ANK2: variants seen among roughly 807,000 people sequenced by gnomAD.
The protein encoded by ANK2 is ankyrin 2, also known as ankyrin-2.
Under a neutral mutation model 360.5 loss-of-function variants are expected in ANK2, and 83 were observed. The observed-to-expected ratio is 0.23, with a 90% CI of 0.19 to 0.28. The LOEUF (loss-of-function observed/expected upper bound fraction) is 0.28, where lower values mean the gene tolerates loss of function less well. Ranked by LOEUF, ANK2 falls within the 10% of genes least tolerant of loss-of-function variation. The pLI is 1.00. For synonymous variants in ANK2, 1,740 were observed against 1,759.5 expected (o/e 0.99, Z 0.28); for missense variants, 4,201 against 4,795.7 (o/e 0.88, Z 3.66).
At chr4:112,831,711 A>G (rs1365407470) in intron 1 of ANK2, among the ~76,000 whole-genome samples, 3 of 152,144 alleles carry the variant, frequency 2.0e-5, no homozygotes, top group African/African-American at 4.8e-5. Flanking sequence ...CGCTCTTCAC[A>G]ATAAATCTTG....
intron 2 of ANK2, among the ~76,000 whole-genome samples, chr4:112,961,699 A>C (rs2154260907): frequency 6.6e-6 from 1 of 152,258 alleles, no homozygotes; most frequent in East Asian, 1.9e-4. Context: ...GTCCACTTTT[A>C]GTTAGCAGTT....
intron 26 of ANK2, among the ~76,000 whole-genome samples, chr4:113,327,896 A>G (rs1157413531): frequency 6.6e-6 from 1 of 152,216 alleles, no homozygotes; most frequent in African/African-American, 2.4e-5. Context: ...AAGTGAGAAC[A>G]AAAAGAGAGT....
intron 1 of ANK2, among the ~76,000 whole-genome samples, chr4:113,149,508 A>C (rs1198667623): frequency 6.6e-6 from 1 of 152,166 alleles, no homozygotes; most frequent in Admixed American, 6.5e-5. Context: ...AGTGTAATGG[A>C]AATTACTCTG....
At chr4:113,080,822 G>T (rs868667224) in intron 1 of ANK2, among the ~76,000 whole-genome samples, 51 of 152,170 alleles carry the variant, frequency 3.4e-4, no homozygotes, top group African/African-American at 1.1e-3. Flanking sequence ...AAAATCAATC[G>T]GAGTTGTGAA....
intron 2 of ANK2, among the ~76,000 whole-genome samples, chr4:112,917,043 C>T (rs1360981718): frequency 1.3e-5 from 2 of 152,138 alleles, no homozygotes; most frequent in Non-Finnish European, 2.9e-5. Context: ...AATTAGGAAA[C>T]GCATATGCAA....
chr4:113,165,126 A>G (rs768848122), intron 1 of ANK2, among the ~76,000 whole-genome samples: 33 of 152,198 alleles, frequency 2.2e-4, no homozygotes, highest in Non-Finnish European at 4.3e-4. Context: ...ATTTTGGGGC[A>G]TGTTGACTTT....
In ANK2 at chr4:113,332,039, C is replaced by A. The variant is rs575678501; in HGVS notation, c.3193C>A (p.Gln1065Lys). The A allele has an allele frequency of 6.2e-7, 1 of 1,614,186 alleles. No individual in the cohort carries two copies. The highest frequency in any genetic ancestry group is 8.5e-7 in the Non-Finnish European group (1 of 1,180,024). ...AGAAAGTTTGGTCAGCCGCATTCTT[C>A]AGCTGGGGCCTCCTGGAACCAAATT... ...EGESLVSRIL[Q>K]LGPPGTKFLG... Residue 1065 changes from glutamine to lysine, a missense_variant, in exon 28 of 46, where the codon CAG (glutamine) becomes AAG (lysine). By Grantham distance (53) the Gln-to-Lys change is moderately conservative. This residue lies in a region of ANK2 where 1,268 missense variants were observed against 1,650.8 expected (regional missense o/e 0.77). Transcript: ENST00000357077.
At chr4:112,880,723 C>T (rs1580388520) in intron 1 of ANK2, 1 of 152,366 alleles carries the variant, frequency 6.6e-6, no homozygotes, top group South Asian at 2.1e-4. Flanking sequence ...TCTGTGTCCT[C>T]TGATCCTTTT....
chr4:112,856,079 A>G (rs1183917124), intron 1 of ANK2, among the ~76,000 whole-genome samples: 1 of 152,110 alleles, frequency 6.6e-6, no homozygotes, highest in African/African-American at 2.4e-5. Flanking sequence ...AGATTATTAA[A>G]TCTTAGGACT....
intron 2 of ANK2, among the ~76,000 whole-genome samples, chr4:112,916,392 TAATC>T (rs1192451563): frequency 6.6e-6 from 1 of 152,342 alleles, no homozygotes; most frequent in East Asian, 1.9e-4. Context: ...GTGGGGTTAT[TAATC>T]AAAATCACCT....
chr4:113,242,865 C>T (rs1210282117), intron 9 of ANK2, among the ~76,000 whole-genome samples: 1 of 152,082 alleles, frequency 6.6e-6, no homozygotes, highest in Non-Finnish European at 1.5e-5. Context: ...AGGCAAACTG[C>T]CTGATTTCAA....
chr4:113,245,088 C>G (rs770307640), intron 9 of ANK2, among the ~76,000 whole-genome samples: 36 of 152,184 alleles, frequency 2.4e-4, no homozygotes, highest in Non-Finnish European at 4.0e-4. Context: ...TAGCACTAAA[C>G]TTTCCCCCCA....
intron 1 of ANK2, among the ~76,000 whole-genome samples, chr4:112,872,830 C>T (rs183923791): frequency 6.6e-6 from 1 of 152,112 alleles, no homozygotes; most frequent in Admixed American, 6.5e-5. Context: ...CCAGTGAAGC[C>T]ATCTGGTCAT....
At chr4:112,948,013 G>A (rs2094661453) in intron 2 of ANK2, among the ~76,000 whole-genome samples, 1 of 152,148 alleles carries the variant, frequency 6.6e-6, no homozygotes, top group Non-Finnish European at 1.5e-5. Context: ...TTCCCTCCTT[G>A]ACCCCTGCCA....
chr4:113,040,868 C>T (rs562665463), intron 2 of ANK2, among the ~76,000 whole-genome samples: 1 of 152,136 alleles, frequency 6.6e-6, no homozygotes, highest in East Asian at 1.9e-4. Context: ...CCTCCTTTGT[C>T]AAATGAAATG....
chr4:112,979,589 C>T (rs374065195), intron 2 of ANK2: 2 of 152,388 alleles, frequency 1.3e-5, no homozygotes, highest in South Asian at 2.1e-4. Flanking sequence ...GTTCCAAATT[C>T]TTGTCCCATG....
chr4:113,343,311 G>A (rs772241855), intron 34 of ANK2, among the ~76,000 whole-genome samples, 169 bp downstream of exon 34: 13 of 151,990 alleles, frequency 8.6e-5, no homozygotes, highest in African/African-American at 1.2e-4. Flanking sequence ...TATTTTTGAG[G>A]TTCAAAGTCA....
chr4:113,381,048 A>G (rs1301152979), intron 45 of ANK2, among the ~76,000 whole-genome samples: 1 of 152,226 alleles, frequency 6.6e-6, no homozygotes, highest in Non-Finnish European at 1.5e-5. Flanking sequence ...ATAAATTAAA[A>G]AAAGGTTTTT....
chr4:112,975,169 T>C (rs190132896), intron 2 of ANK2, among the ~76,000 whole-genome samples: 1 of 152,308 alleles, frequency 6.6e-6, no homozygotes, highest in Admixed American at 6.5e-5. Flanking sequence ...AGGTTATCTT[T>C]TGGTAAAGGA....
Sources: allele counts gnomAD v4.1 joint callset (sites outside exome capture counted in the v4.1 genomes callset), GRCh38; gene constraint gnomAD v4.1.1; regional missense constraint gnomAD v4.1.1; transcripts MANE v1.5; gene names NCBI Gene and HGNC (gene_info 2026-07-23, HGNC 2026-07-21).